The following SEMA5A variants were observed in gnomAD, a reference collection of about 807,000 sequenced individuals.
SEMA5A encodes semaphorin 5A.
A neutral mutation model predicts 135.5 loss-of-function variants in SEMA5A; 55 were observed. That is an observed-to-expected ratio of 0.41 (90% confidence interval 0.33 to 0.51). The LOEUF is 0.51. Ranked by LOEUF, SEMA5A falls within the 20% of genes least tolerant of loss-of-function variation. SEMA5A has a pLI of 0.37. For synonymous variants in SEMA5A, 580 were observed against 546.5 expected, an observed-to-expected ratio of 1.06 and a Z score of -0.85; for missense variants, 1,290 against 1,419.9, an observed-to-expected ratio of 0.91 and a Z score of 1.47.
At chr5:9,436,836 G>C (rs972057496) in intron 2 of SEMA5A, among the ~76,000 whole-genome samples, 5 of 152,128 alleles carry the variant, frequency 3.3e-5, no homozygotes, top group Admixed American at 2.6e-4. Flanking sequence ...CTTCCCAGAA[G>C]GTAGCAACAC....
chr5:9,371,286 A>G (rs547660916), intron 3 of SEMA5A, among the ~76,000 whole-genome samples: 1 of 152,284 alleles, frequency 6.6e-6, no homozygotes, highest in Non-Finnish European at 1.5e-5. Flanking sequence ...TCAAAACTCA[A>G]TAAACCATTT....
chr5:9,416,705 A>T (rs1168220418), intron 2 of SEMA5A, among the ~76,000 whole-genome samples: 1 of 152,252 alleles, frequency 6.6e-6, no homozygotes, highest in Non-Finnish European at 1.5e-5. Flanking sequence ...CCTTCAAAGC[A>T]GGAGTTCAAA....
chr5:9,239,374 C>T (rs939258649), intron 5 of SEMA5A, among the ~76,000 whole-genome samples: 5 of 152,060 alleles, frequency 3.3e-5, no homozygotes, highest in African/African-American at 1.2e-4. Flanking sequence ...ATTTGAATTC[C>T]ATACCAGGAT....
chr5:9,303,206 T>G (rs944279027), intron 5 of SEMA5A, among the ~76,000 whole-genome samples: 12 of 151,802 alleles, frequency 7.9e-5, no homozygotes, highest in Admixed American at 1.3e-4. Context: ...AATCTCCGCC[T>G]CCTAGGTTCA....
At chr5:9,335,217 GA>G (rs1458183412) in intron 4 of SEMA5A, among the ~76,000 whole-genome samples, 1 of 152,040 alleles carries the variant, frequency 6.6e-6, no homozygotes, top group Admixed American at 6.5e-5. Flanking sequence ...GGAGATATTG[GA>G]CAGAGACCTC....
chr5:9,154,066 TATATATA>T (rs1742800824), intron 12 of SEMA5A, among the ~76,000 whole-genome samples: 3 of 46,368 alleles, frequency 6.5e-5, no homozygotes, highest in Non-Finnish European at 1.8e-4. Flanking sequence ...AAAAAAAATA[TATATATA>T]TATATATATA....
chr5:9,455,796 T>C (rs140603210), intron 1 of SEMA5A, among the ~76,000 whole-genome samples: 2 of 152,332 alleles, frequency 1.3e-5, no homozygotes, highest in African/African-American at 4.8e-5. Context: ...ATAAATTAAC[T>C]GAGAGCTTTA....
chr5:9,204,355 T>G lies in SEMA5A; in HGVS notation c.647-2115A>C, dbSNP rs1579607554. Among the ~76,000 whole-genome samples, 1 of 152,178 alleles carries G rather than the reference T, an allele frequency of 6.6e-6. No individual in the cohort carries two copies. Among genetic ancestry groups the G allele is most frequent in the Non-Finnish European group, 1.5e-5 (1 of 68,032 alleles). Reference sequence around the variant, plus strand: ...ATCAAATACACTCACTATTACCCACTTCTGCTATTAACTTGGGGACAAATG... The same window carrying G: ...ATCAAATACACTCACTATTACCCACGTCTGCTATTAACTTGGGGACAAATG... On this transcript the variant is annotated intron_variant, in intron 8 of 22. Coordinates refer to ENST00000382496, the MANE Select transcript of SEMA5A (RefSeq NM_003966.3). This position sits in a 1 kb window ranked among gnomAD's most constrained non-coding sequence, Gnocchi z 6.4.
intron 1 of SEMA5A, among the ~76,000 whole-genome samples, chr5:9,489,490 T>C (rs1396224184): frequency 6.6e-6 from 1 of 152,164 alleles, no homozygotes; most frequent in Non-Finnish European, 1.5e-5. Context: ...GCGGTAAATG[T>C]ATTTTGCCAC....
chr5:9,101,302 T>C (rs1204048530), intron 16 of SEMA5A, among the ~76,000 whole-genome samples: 2 of 152,226 alleles, frequency 1.3e-5, no homozygotes, highest in Admixed American at 6.5e-5. Flanking sequence ...GCCACCATTA[T>C]AAATGTCTGG....
At chr5:9,082,067 T>C (rs2150105518) in intron 16 of SEMA5A, among the ~76,000 whole-genome samples, 1 of 152,320 alleles carries the variant, frequency 6.6e-6, no homozygotes, top group East Asian at 1.9e-4. Context: ...TCTCAAGAGC[T>C]TCTTGCAAAT....
intron 12 of SEMA5A, among the ~76,000 whole-genome samples, chr5:9,146,470 C>T (rs1019583458): frequency 6.6e-6 from 1 of 152,046 alleles, no homozygotes; most frequent in Admixed American, 6.6e-5. Flanking sequence ...TGATTAATTC[C>T]CTTACTACTG....
At position 9,224,663 on chromosome 5, in the gene SEMA5A, G is replaced by A. The variant is rs142476807; in HGVS notation, c.646+11C>T. ...AATGAGGTGAGAAAGAGGGAGTGAC[G>A]GAAGGCTTACCATTGAGCCATTTGG... On this transcript the variant is annotated intron_variant, in intron 8 of 22. Coordinates refer to ENST00000382496, the MANE Select transcript of SEMA5A (RefSeq NM_003966.3). 5.1e-5 allele frequency: 82 copies of A among 1,613,066 alleles called. No homozygotes were observed. The Middle Eastern group carries it at 6.6e-4, about 13-fold the overall frequency.
At chr5:9,067,197 T>C (rs1263068366) in intron 16 of SEMA5A, among the ~76,000 whole-genome samples, 1 of 152,182 alleles carries the variant, frequency 6.6e-6, no homozygotes, top group Non-Finnish European at 1.5e-5. Flanking sequence ...TCTGAGCTTC[T>C]CCTGAGAGTA....
intron 16 of SEMA5A, among the ~76,000 whole-genome samples, chr5:9,102,045 C>T (rs1261399114): frequency 6.6e-6 from 1 of 152,136 alleles, no homozygotes; most frequent in Non-Finnish European, 1.5e-5. Flanking sequence ...CTCTTCATAA[C>T]AACCCACCTG....
chr5:9,329,375 G>T (rs1341349141), intron 4 of SEMA5A, among the ~76,000 whole-genome samples: 1 of 152,188 alleles, frequency 6.6e-6, no homozygotes, highest in Non-Finnish European at 1.5e-5. Flanking sequence ...GAGTGGGTGT[G>T]GCTGTGTGCC....
intron 1 of SEMA5A, among the ~76,000 whole-genome samples, chr5:9,464,254 A>G (rs1416671087): frequency 6.6e-6 from 1 of 152,226 alleles, no homozygotes; most frequent in African/African-American, 2.4e-5. Flanking sequence ...AGGCCTTGAA[A>G]AGTATAGGGT....
At chr5:9,124,428 G>A (rs1740995371) in intron 13 of SEMA5A, among the ~76,000 whole-genome samples, 1 of 152,134 alleles carries the variant, frequency 6.6e-6, no homozygotes, top group Non-Finnish European at 1.5e-5. Flanking sequence ...AAGGCAATGG[G>A]AAGAAGGCCT....
At chr5:9,168,451 C>T (rs1293136431) in intron 11 of SEMA5A, among the ~76,000 whole-genome samples, 1 of 152,126 alleles carries the variant, frequency 6.6e-6, no homozygotes, top group East Asian at 1.9e-4. Flanking sequence ...TGCCAGGAGC[C>T]CTTATGTAAA....
Sources: allele counts gnomAD v4.1 joint callset (sites outside exome capture counted in the v4.1 genomes callset), GRCh38; gene constraint gnomAD v4.1.1; non-coding constraint Gnocchi (gnomAD v3.1); transcripts MANE v1.5; gene names NCBI Gene and HGNC (gene_info 2026-07-23, HGNC 2026-07-21).